The following GAS7 variants were observed in gnomAD, a reference collection of about 807,000 sequenced individuals.
The protein encoded by GAS7 is growth arrest-specific protein 7.
GAS7 carries 28 observed loss-of-function variants against 71.1 expected under a neutral mutation model. That is an observed-to-expected ratio of 0.39 (90% CI 0.29 to 0.54). The LOEUF is 0.54. Among genes scored for constraint, GAS7 ranks in the 20% least tolerant of loss-of-function variants. GAS7 has a pLI of 0.62. For missense variants in GAS7, 436 were observed against 627.8 expected, an observed-to-expected ratio of 0.69 and a Z score of 3.27; for synonymous variants, 258 against 245.8, an observed-to-expected ratio of 1.05 and a Z score of -0.46.
chr17:10,006,347 T>TG (rs2071530426), intron 2 of GAS7, among the ~76,000 whole-genome samples: 3 of 123,442 alleles, frequency 2.4e-5, no homozygotes, highest in African/African-American at 3.8e-5. Context: ...TTTTTTTTTT[T>TG]GAGACAGAGT....
In GAS7 at chr17:9,963,053, A is replaced by AAG. The variant is rs1555605776; in HGVS notation, c.472-3799_472-3798insCT. ...GTCAAGGTGATGAAAAAAAAAAAAA[A>AAG]GAAAAAAAGGTGTAAGGGATTGAGT... On this transcript the variant is annotated intron_variant, in intron 4 of 13. Transcript: ENST00000432992. Among the ~76,000 whole-genome samples the AAG allele has an allele frequency of 6.1e-3, 915 of 150,938 alleles. 5 individuals carry two copies. The highest frequency in any genetic ancestry group is 0.022 in the African/African-American group (873 of 40,574).
chr17:9,989,061 G>C (rs1007888200), intron 2 of GAS7, among the ~76,000 whole-genome samples: 1 of 152,074 alleles, frequency 6.6e-6, no homozygotes, highest in Non-Finnish European at 1.5e-5. Flanking sequence ...GTGTTAGCCA[G>C]GATGGTCTCG....
At chr17:10,091,975 A>T (rs915429185) in intron 1 of GAS7, among the ~76,000 whole-genome samples, 13 of 151,636 alleles carry the variant, frequency 8.6e-5, no homozygotes, top group African/African-American at 3.2e-4. Flanking sequence ...TTTAAAAAAA[A>T]AAAAATGTGC....
intron 7 of GAS7, 152 bp from the exon 8 acceptor site, chr17:9,940,352 T>C (rs1465692268): frequency 1.9e-5 from 13 of 685,950 alleles, no homozygotes; most frequent in Non-Finnish European, 3.2e-5. Context: ...TGACATGCAG[T>C]AGGTGCTTAA....
intron 9 of GAS7, among the ~76,000 whole-genome samples, chr17:9,931,921 C>T (rs1190773772): frequency 6.6e-6 from 1 of 152,058 alleles, no homozygotes; most frequent in Non-Finnish European, 1.5e-5. Context: ...CGGGGTACAT[C>T]GTATGGGATC....
chr17:10,023,878 C>A (rs1391961438), intron 1 of GAS7, among the ~76,000 whole-genome samples: 8 of 152,166 alleles, frequency 5.3e-5, no homozygotes, highest in African/African-American at 1.7e-4. Context: ...AATCCCAGCA[C>A]TTTGGGAGGC....
intron 1 of GAS7, among the ~76,000 whole-genome samples, chr17:10,033,573 C>T (rs1048633639): frequency 1.3e-5 from 2 of 152,214 alleles, no homozygotes; most frequent in Non-Finnish European, 2.9e-5. Context: ...AAGCAGCCCG[C>T]TCACCAGAAA....
At chr17:10,079,554 A>G (rs1292241674) in intron 1 of GAS7, among the ~76,000 whole-genome samples, 1 of 152,234 alleles carries the variant, frequency 6.6e-6, no homozygotes, top group Non-Finnish European at 1.5e-5. Flanking sequence ...TTCTATTGAT[A>G]AGTCTTTCAA....
At chr17:10,107,105 C>A (rs895994122) in intron 1 of GAS7, among the ~76,000 whole-genome samples, 1 of 152,212 alleles carries the variant, frequency 6.6e-6, no homozygotes, top group Non-Finnish European at 1.5e-5. Flanking sequence ...GAAGGACCAG[C>A]CCTGCCGACA....
chr17:9,926,955 C>T lies in GAS7; in HGVS notation c.886-186G>A. On this transcript the variant is annotated intron_variant, in intron 9 of 13. Transcript: ENST00000432992. The surrounding 1 kb of genome is among the most constrained non-coding windows in gnomAD (Gnocchi z 5.0). ...GCTGCCTATCAGGTCTCAGCTTAGG[C>T]AGGTCACCTTAGCTCAGGAGGCCCC... 1 of 614,612 alleles carries T rather than the reference C, an allele frequency of 1.6e-6. No homozygotes were observed. Among genetic ancestry groups the T allele is most frequent in the Non-Finnish European group, 2.9e-6 (1 of 343,270 alleles). 38.1% of individuals were successfully genotyped at this position (614,612 alleles called of 1,614,324 possible). A position where few individuals can be genotyped will look rare whatever the true frequency, so the allele number is the denominator to read the frequency against.
intron 1 of GAS7, among the ~76,000 whole-genome samples, chr17:10,094,034 T>C (rs1567588922): frequency 6.6e-6 from 1 of 152,132 alleles, no homozygotes; most frequent in Admixed American, 6.6e-5. Flanking sequence ...AGCTTGCAAA[T>C]AGGGGACAAC....
rs2068668133 is a variant in GAS7 at position 9,943,195 on chromosome 17, C to T, written c.657G>A (p.Gly219=). 1 of 1,613,586 alleles carries T rather than the reference C, an allele frequency of 6.2e-7. No individual in the cohort carries two copies. The highest frequency in any genetic ancestry group is 2.2e-5 in the East Asian group (1 of 44,872). ...KDPQGNGTVA[G]FELLLQKQLK... is the part of the protein sequence containing the mutation. ...GCTGTTTCTGGAGCAGTAGTTCAAA[C>T]CCAGCCACGGTGCCGTTGCCTTGGG... The change falls in exon 7 of 14, where the codon GGG becomes GGA. Residue 219 remains glycine, a synonymous_variant. Coordinates refer to ENST00000432992, the MANE Select transcript of GAS7 (RefSeq NM_201433.2).
At chr17:10,070,643 C>T (rs1237070729) in intron 1 of GAS7, among the ~76,000 whole-genome samples, 2 of 152,198 alleles carry the variant, frequency 1.3e-5, no homozygotes, top group African/African-American at 2.4e-5. Flanking sequence ...GGATCACAGG[C>T]GTGAGCCACT....
intron 2 of GAS7, among the ~76,000 whole-genome samples, chr17:10,015,990 C>T (rs1432411814): frequency 6.6e-6 from 1 of 152,136 alleles, no homozygotes; most frequent in Non-Finnish European, 1.5e-5. Context: ...AGGGCAGAGA[C>T]TTTGTTCTTA....
chr17:10,061,310 T>A (rs2078144985), intron 1 of GAS7: 1 of 152,222 alleles, frequency 6.6e-6, no homozygotes, highest in Admixed American at 6.5e-5. Context: ...CAGAACCATA[T>A]GGATTTCATA....
At chr17:10,121,870 C>T (rs1324130802) in intron 1 of GAS7, among the ~76,000 whole-genome samples, 1 of 152,182 alleles carries the variant, frequency 6.6e-6, no homozygotes, top group East Asian at 1.9e-4. Context: ...ACCAGTACCC[C>T]AGCATGGAAT....
At chr17:10,121,037 C>T (rs1271485574) in intron 1 of GAS7, among the ~76,000 whole-genome samples, 2 of 152,222 alleles carry the variant, frequency 1.3e-5, no homozygotes, top group Non-Finnish European at 2.9e-5. Flanking sequence ...CTCCTCTCTA[C>T]GGGCTGGGGT....
At chr17:9,955,852 C>CT (rs1300100016) in intron 5 of GAS7, among the ~76,000 whole-genome samples, 6 of 152,194 alleles carry the variant, frequency 3.9e-5, no homozygotes, top group African/African-American at 1.4e-4. Context: ...CTTGCACCAA[C>CT]TCTGTTTTCT....
chr17:9,965,532 G>A (rs988090858), intron 4 of GAS7, among the ~76,000 whole-genome samples: 2 of 152,140 alleles, frequency 1.3e-5, no homozygotes, highest in Admixed American at 1.3e-4. Flanking sequence ...GATAAGAGGA[G>A]GGAGAGCATT....
Sources: gnomAD v4.1 joint callset for allele counts (sites outside exome capture counted in the v4.1 genomes callset) on GRCh38, gnomAD v4.1.1 for gene constraint, Gnocchi (gnomAD v3.1) non-coding constraint, MANE v1.5 for transcripts, NCBI Gene and HGNC (gene_info 2026-07-23, HGNC 2026-07-21) for gene names.